The following CD58 variants were observed in gnomAD, a reference collection of about 807,000 sequenced individuals.
The protein encoded by CD58 is CD58 molecule.
CD58 carries 14 observed loss-of-function variants against 27.6 expected under a neutral mutation model. The observed-to-expected ratio is 0.51, with a 90% CI of 0.34 to 0.79. The LOEUF is 0.79. Ranked by LOEUF, CD58 falls within the 30% of genes least tolerant of loss-of-function variation. The pLI, the probability that CD58 is intolerant of heterozygous loss-of-function variation, is 0.02. For synonymous variants in CD58, 117 were observed against 103.8 expected, an observed-to-expected ratio of 1.13 and a Z score of -0.77; for missense variants, 268 against 301.7, an observed-to-expected ratio of 0.89 and a Z score of 0.83.
Position 116,514,907 on chromosome 1 carries a change from A to G in CD58, c.744-85T>C. 6.7e-6 allele frequency: 6 copies of G among 901,966 alleles called. No homozygotes were observed. The South Asian group carries it at 8.7e-5, about 13-fold the overall frequency. The allele number at this position is 901,966 out of a possible 1,614,324, so 55.9% of individuals were successfully genotyped here. A position where few individuals can be genotyped will look rare whatever the true frequency, so the allele number is the denominator to read the frequency against. ...GGAGTCTTAATTACCCTCCTATTCTAAAGTGAATAGCCCTTTTGTAATAAA... is the reference window on the plus strand; with the variant it reads ...GGAGTCTTAATTACCCTCCTATTCTGAAGTGAATAGCCCTTTTGTAATAAA... On this transcript the variant is annotated intron_variant, in intron 5 of 5. Transcript: ENST00000369489.
rs1420731061 is a variant in CD58, at chr1:116,536,030, G to C, written c.563C>G (p.Thr188Ser). The C allele has an allele frequency of 6.2e-7, 1 of 1,612,590 alleles. No individual in the cohort carries two copies. Among genetic ancestry groups the C allele is most frequent in the East Asian group, 2.2e-5 (1 of 44,842 alleles). The stretch of plus-strand genomic sequence containing the variant: ...TGTATTAAATAATGGATTGCTAAGA[G>C]TACACTGTATTTTTTGTGGAAGATC... Reference protein sequence around the residue: ...ENDLPQKIQCTLSNPLFNTTS... With the variant: ...ENDLPQKIQCSLSNPLFNTTS... Residue 188 changes from threonine to serine, a missense_variant, in exon 3 of 6, where the codon ACT becomes AGT. Transcript: ENST00000369489. The surrounding 1 kb of genome is among the most constrained non-coding windows in gnomAD (Gnocchi z 5.4).
At position 116,544,597 on chromosome 1, in the gene CD58, G is replaced by C. The variant is rs754340222; in HGVS notation, c.78C>G (p.Ile26Met). 14 of 1,574,170 alleles carry C rather than the reference G, an allele frequency of 8.9e-6. No homozygotes were observed. The highest frequency in any genetic ancestry group is 6.9e-6 in the Non-Finnish European group (8 of 1,162,346). ...VVCLLHCFGF[I>M]SCFSQQIYGV... ...CATATATTTGTTGGGAAAAACAGCT[G>C]ATGAAACCTAGGAGAGAAAAAAAAA... Residue 26 changes from isoleucine (I) to methionine (M), a missense_variant, in exon 2 of 6, where the codon ATC (isoleucine) becomes ATG (methionine). Transcript: ENST00000369489.
At position 116,550,481 on chromosome 1, in the gene CD58, T is replaced by C. The variant is rs1223188210; in HGVS notation, c.71-5877A>G. ...CATTGGCTCAATTTTCATCATGAGA[T>C]TGTGGCAACTGAGTGACATATTCAG... On this transcript the variant is annotated intron_variant, in intron 1 of 5. Transcript: ENST00000369489. The surrounding 1 kb of genome is among the most constrained non-coding windows in gnomAD (Gnocchi z 4.2). Among the ~76,000 whole-genome samples, 2 of 152,212 alleles carry C rather than the reference T, an allele frequency of 1.3e-5. No individual in the cohort carries two copies. Among genetic ancestry groups the C allele is most frequent in the African/African-American group, 2.4e-5 (1 of 41,462 alleles).
rs930817235 is a variant in CD58 at position 116,515,736 on chromosome 1, T to C, written c.744-914A>G. Among the ~76,000 whole-genome samples the C allele has an allele frequency of 3.3e-5, 5 of 152,162 alleles. No homozygotes were observed. The highest frequency in any genetic ancestry group is 1.2e-4 in the African/African-American group (5 of 41,422). ...ATCTTTCTTCTCGGAGAAATAGGAC[T>C]CCCTGCTTCCTTTTTAATTTGGCTA... On this transcript the variant is annotated intron_variant, in intron 5 of 5. Transcript: ENST00000369489. This position sits in a 1 kb window ranked among gnomAD's most constrained non-coding sequence, Gnocchi z 4.6.
rs1658681432 is a variant in CD58, at chr1:116,559,353, T to C, written c.70+11550A>G. ...CCAGGCTACAGATGAAGAAATGGAC[T>C]GAGAGGGTCAGCTGACTGCATTCAC... is the stretch of plus-strand genomic sequence containing the variant. On this transcript the variant is annotated intron_variant, in intron 1 of 5. Coordinates refer to ENST00000369489, the MANE Select transcript of CD58 (RefSeq NM_001779.3). The surrounding 1 kb of genome is among the most constrained non-coding windows in gnomAD (Gnocchi z 4.4). 1.3e-5 allele frequency among the ~76,000 whole-genome samples: 2 copies of C among 152,176 alleles called. No individual in the cohort carries two copies. Among genetic ancestry groups the C allele is most frequent in the African/African-American group, 2.4e-5 (1 of 41,436 alleles).
rs912022351 is a variant in CD58 at position 116,523,391 on chromosome 1, G to A, written c.629-1408C>T. On this transcript the variant is annotated intron_variant, in intron 3 of 5. Coordinates refer to ENST00000369489, the MANE Select transcript of CD58 (RefSeq NM_001779.3). This position sits in a 1 kb window ranked among gnomAD's most constrained non-coding sequence, Gnocchi z 4.4. Reference sequence around the variant, plus strand: ...TGGGAAAGGAAGGGAAAGGAAGGGAGAGGAGGAAGAGAGAGAGAAAATGAA... The same window carrying A: ...TGGGAAAGGAAGGGAAAGGAAGGGAAAGGAGGAAGAGAGAGAGAAAATGAA... Among the ~76,000 whole-genome samples, 1 of 152,198 alleles carries A rather than the reference G, an allele frequency of 6.6e-6. No homozygotes were observed. Among genetic ancestry groups the A allele is most frequent in the Non-Finnish European group, 1.5e-5 (1 of 68,036 alleles).
At chr1:116,564,196 T>C (rs1658858635) in intron 1 of CD58, among the ~76,000 whole-genome samples, 1 of 152,202 alleles carries the variant, frequency 6.6e-6, no homozygotes, top group South Asian at 2.1e-4. Context: ...TGCCAGTCTC[T>C]TTGCTAAAAC....
At chr1:116,518,933 A>G in intron 5 of CD58, 1 of 998,220 alleles carries the variant, frequency 1.0e-6, no homozygotes, top group Non-Finnish European at 1.3e-6. Flanking sequence ...CGTGACTTTG[A>G]TATCTCACTT....
At chr1:116,518,722 A>C (rs1487313275) in intron 5 of CD58, 1 of 990,616 alleles carries the variant, frequency 1.0e-6, no homozygotes, top group Non-Finnish European at 1.2e-6. Context: ...TTAAACCAAC[A>C]CTGCTGCTAA....
chr1:116,520,229 A>G (rs1255916126), intron 4 of CD58, among the ~76,000 whole-genome samples: 2 of 152,130 alleles, frequency 1.3e-5, no homozygotes, highest in Non-Finnish European at 2.9e-5. Context: ...CTCCCGCCTC[A>G]GCCTCCTGAG....
In CD58 at chr1:116,517,541, C is replaced by G. The variant is rs754507340; in HGVS notation, c.743+1690G>C. Among the ~76,000 whole-genome samples, 1 of 152,134 alleles carries G rather than the reference C, an allele frequency of 6.6e-6. No homozygotes were observed. Among genetic ancestry groups the G allele is most frequent in the Non-Finnish European group, 1.5e-5 (1 of 68,012 alleles). On this transcript the variant is annotated intron_variant, in intron 5 of 5. Transcript: ENST00000369489. This position sits in a 1 kb window ranked among gnomAD's most constrained non-coding sequence, Gnocchi z 6.5. ...TCATCCCTGCACTGACCACAGCAACCGACTCCACAAAACCAAAGGTCTTAA... is the reference window on the plus strand; with the variant it reads ...TCATCCCTGCACTGACCACAGCAACGGACTCCACAAAACCAAAGGTCTTAA...
intron 1 of CD58, among the ~76,000 whole-genome samples, chr1:116,565,718 TG>T (rs1215607046): frequency 6.6e-6 from 1 of 150,524 alleles, no homozygotes; most frequent in African/African-American, 2.4e-5. Context: ...TGTTTTGTTT[TG>T]TTTTTTTGTT....
intron 3 of CD58, among the ~76,000 whole-genome samples, chr1:116,526,063 G>A (rs1657421503): frequency 6.6e-6 from 1 of 152,132 alleles, no homozygotes; most frequent in Admixed American, 6.5e-5. Flanking sequence ...TTCTTGTTGA[G>A]TTTTAAAAGT....
rs945495464 is a variant in CD58, at chr1:116,528,075, T to G, written c.629-6092A>C. Reference sequence around the variant, plus strand: ...ACTGCACGCAGCGTTCTTTCTCAATTTTTAAAAGCAGAGTGAACATTCTTA... The same window carrying G: ...ACTGCACGCAGCGTTCTTTCTCAATGTTTAAAAGCAGAGTGAACATTCTTA... On this transcript the variant is annotated intron_variant, in intron 3 of 5. Coordinates refer to ENST00000369489, the MANE Select transcript of CD58 (RefSeq NM_001779.3). The surrounding 1 kb of genome is among the most constrained non-coding windows in gnomAD (Gnocchi z 4.4). Among the ~76,000 whole-genome samples, 3 of 152,206 alleles carry G rather than the reference T, an allele frequency of 2.0e-5. No individual in the cohort carries two copies. Among genetic ancestry groups the G allele is most frequent in the African/African-American group, 7.2e-5 (3 of 41,446 alleles).
rs576172825 is a variant in CD58, at chr1:116,562,879, C to T, written c.70+8024G>A. Among the ~76,000 whole-genome samples, 8 of 152,274 alleles carry T rather than the reference C, an allele frequency of 5.3e-5. No individual in the cohort carries two copies. The South Asian group carries it at 1.2e-3, about 24-fold the overall frequency. On this transcript the variant is annotated intron_variant, in intron 1 of 5. Transcript: ENST00000369489. ...AAACCATATCATTCCACCCCGGCCC[C>T]TCCCAAATCTCATGTCCTCACATTT...
chr1:116,566,230 T>C lies in CD58; in HGVS notation c.70+4673A>G, dbSNP rs114512396. On this transcript the variant is annotated intron_variant, in intron 1 of 5. Transcript: ENST00000369489. ...GTTTGTAGTTGGTAGTAGATTGGTA[T>C]AGCAACTGTAAAATGATTTGGGGTT... Among the ~76,000 whole-genome samples, 327 of 152,338 alleles carry C rather than the reference T, an allele frequency of 2.1e-3. 1 individual carries two copies. Among genetic ancestry groups the C allele is most frequent in the African/African-American group, 7.7e-3 (321 of 41,566 alleles).
rs1328416797 is a variant in CD58, at chr1:116,559,291, C to T, written c.70+11612G>A. On this transcript the variant is annotated intron_variant, in intron 1 of 5. Transcript: ENST00000369489. This position sits in a 1 kb window ranked among gnomAD's most constrained non-coding sequence, Gnocchi z 4.4. ...AAGTAAGGTGGTTTGCTCCGCTGGACACTTGGTTGATAGAGAAGGTCAAAG... is the reference window on the plus strand; with the variant it reads ...AAGTAAGGTGGTTTGCTCCGCTGGATACTTGGTTGATAGAGAAGGTCAAAG... Among the ~76,000 whole-genome samples the T allele has an allele frequency of 6.6e-6, 1 of 152,114 alleles. No individual in the cohort carries two copies. The highest frequency in any genetic ancestry group is 1.5e-5 in the Non-Finnish European group (1 of 68,010).
chr1:116,545,090 C>G (rs1658120070), intron 1 of CD58, among the ~76,000 whole-genome samples: 1 of 152,102 alleles, frequency 6.6e-6, no homozygotes, highest in African/African-American at 2.4e-5. Flanking sequence ...AGCAGCACCC[C>G]CAAAGGAAGG....
At chr1:116,566,894 T>C (rs1469832577) in intron 1 of CD58, among the ~76,000 whole-genome samples, 3 of 151,794 alleles carry the variant, frequency 2.0e-5, no homozygotes, top group Non-Finnish European at 4.4e-5. Flanking sequence ...ATCCCGACAC[T>C]TTGGGAAACT....
Sources: gnomAD v4.1 joint callset for allele counts (sites outside exome capture counted in the v4.1 genomes callset) on GRCh38, gnomAD v4.1.1 for gene constraint, Gnocchi (gnomAD v3.1) non-coding constraint, MANE v1.5 for transcripts, NCBI Gene and HGNC (gene_info 2026-07-23, HGNC 2026-07-21) for gene names.